The following LOXL3 variants were observed in gnomAD, a reference collection of about 807,000 sequenced individuals.
The protein encoded by LOXL3 is lysyl oxidase homolog 3.
LOXL3 carries 60 observed loss-of-function variants against 91.8 expected under a neutral mutation model. The ratio of observed to expected loss-of-function variants is 0.65; its 90% confidence interval spans 0.53 to 0.81. The LOEUF is 0.81. Ranked by LOEUF, LOXL3 falls within the 30% of genes least tolerant of loss-of-function variation. The pLI, the probability that LOXL3 is intolerant of heterozygous loss-of-function variation, is 0.00. For missense variants in LOXL3, 874 were observed against 1,000.4 expected (o/e 0.87, Z 1.70); for synonymous variants, 355 against 387.6 (o/e 0.92, Z 0.99).
intron 4 of LOXL3, among the ~76,000 whole-genome samples, chr2:74,546,500 GAGA>G (rs949393798): frequency 7.2e-5 from 11 of 152,030 alleles, no homozygotes; most frequent in Admixed American, 5.2e-4. Flanking sequence ...TGGCCTCCAG[GAGA>G]AGGAGAGGCC....
At chr2:74,551,452 G>A (rs1677005305) in intron 2 of LOXL3, among the ~76,000 whole-genome samples, 1 of 152,148 alleles carries the variant, frequency 6.6e-6, no homozygotes, top group African/African-American at 2.4e-5. Context: ...CATTCCTTTG[G>A]TGCCAACCAG....
upstream of LOXL3, chr2:74,555,146 C>T (rs766283877): frequency 1.9e-6 from 3 of 1,605,670 alleles, no homozygotes; most frequent in South Asian, 2.2e-5. This position sits in a 1 kb window ranked among gnomAD's most constrained non-coding sequence, Gnocchi z 6.1. Flanking sequence ...CTCTCTCTCT[C>T]TCCCTAGAGG....
rs1676873209 is a variant in LOXL3 at position 74,549,730 on chromosome 2, C to T, written c.478-147G>A. The T allele has an allele frequency of 3.5e-6, 5 of 1,442,738 alleles. No individual in the cohort carries two copies. The South Asian group carries it at 6.0e-5, about 17-fold the overall frequency. 89.4% of individuals were successfully genotyped at this position (1,442,738 alleles called of 1,614,324 possible). A position where few individuals can be genotyped will look rare whatever the true frequency, so the allele number is the denominator to read the frequency against. On this transcript the variant is annotated intron_variant, in intron 3 of 13. Transcript: ENST00000264094. The surrounding 1 kb of genome is among the most constrained non-coding windows in gnomAD (Gnocchi z 5.3). ...GGCGCTGAGAGAGCGGCCACGATGG[C>T]CGCAGTCCGCGGTGTGGACTCTCTT...
At position 74,535,774 on chromosome 2, in the gene LOXL3, G is replaced by A. The variant is rs755920358; in HGVS notation, c.1249-19C>T. ...GTCGGATCTGTAGTGACACAGAATG[G>A]AAGCGCTGGAGAAAGCTTTGGGGTG... On this transcript the variant is annotated intron_variant, in intron 7 of 13. Coordinates refer to ENST00000264094, the MANE Select transcript of LOXL3 (RefSeq NM_032603.5). The surrounding 1 kb of genome is among the most constrained non-coding windows in gnomAD (Gnocchi z 4.2). The A allele has an allele frequency of 1.3e-6, 2 of 1,539,458 alleles. No individual in the cohort carries two copies. The highest frequency in any genetic ancestry group is 1.4e-5 in the African/African-American group (1 of 71,960).
chr2:74,536,235 GC>G lies in LOXL3; in HGVS notation c.1093+55del, dbSNP rs1558619593. The G allele has an allele frequency of 5.6e-6, 9 of 1,611,558 alleles. 1 individual carries two copies. The South Asian group carries it at 8.8e-5, about 16-fold the overall frequency. On this transcript the variant is annotated intron_variant, in intron 6 of 13. Coordinates refer to ENST00000264094, the MANE Select transcript of LOXL3 (RefSeq NM_032603.5). The surrounding 1 kb of genome is among the most constrained non-coding windows in gnomAD (Gnocchi z 4.5). ...GACACCTAACCTTCCGAAGGAATATGCCCCCCAGGAGCATGTACCTCCTTCC... is the reference window on the plus strand; with the variant it reads ...GACACCTAACCTTCCGAAGGAATATGCCCCCAGGAGCATGTACCTCCTTCC...
At chr2:74,538,189 C>G (rs1217218064) in intron 4 of LOXL3, among the ~76,000 whole-genome samples, 1 of 152,216 alleles carries the variant, frequency 6.6e-6, no homozygotes, top group Non-Finnish European at 1.5e-5. Context: ...CATCTATCTT[C>G]TAAACATCCT....
rs764657197 is a variant in LOXL3, at chr2:74,535,983, G to C, written c.1248+13C>G. ...TGAAAGAGACCTCAACCAAGGTAGA[G>C]AGGATGACTGACCCTGGTCTCTGCC... On this transcript the variant is annotated intron_variant, in intron 7 of 13. Coordinates refer to ENST00000264094, the MANE Select transcript of LOXL3 (RefSeq NM_032603.5). This position sits in a 1 kb window ranked among gnomAD's most constrained non-coding sequence, Gnocchi z 4.2. 3 of 1,556,018 alleles carry C rather than the reference G, an allele frequency of 1.9e-6. No individual in the cohort carries two copies. Among genetic ancestry groups the C allele is most frequent in the Non-Finnish European group, 1.7e-6 (2 of 1,154,802 alleles).
chr2:74,549,655 C>A lies in LOXL3; in HGVS notation c.478-72G>T. ...CATGTGTCCCGCCGCCCTTAAGGAACCCTGCTTGGTGTGCCTGCTGTAAAC... is the reference window on the plus strand; with the variant it reads ...CATGTGTCCCGCCGCCCTTAAGGAAACCTGCTTGGTGTGCCTGCTGTAAAC... On this transcript the variant is annotated intron_variant, in intron 3 of 13. Coordinates refer to ENST00000264094, the MANE Select transcript of LOXL3 (RefSeq NM_032603.5). The surrounding 1 kb of genome is among the most constrained non-coding windows in gnomAD (Gnocchi z 5.3). The A allele has an allele frequency of 2.0e-6, 3 of 1,510,138 alleles. No homozygotes were observed. Among genetic ancestry groups the A allele is most frequent in the Non-Finnish European group, 2.7e-6 (3 of 1,121,424 alleles). The allele number at this position is 1,510,138 out of a possible 1,614,324, so 93.5% of individuals were successfully genotyped here. A position where few individuals can be genotyped will look rare whatever the true frequency, so the allele number is the denominator to read the frequency against.
rs1675705511 is a variant in LOXL3, at chr2:74,532,736, G to C, written c.*870C>G. On this transcript the variant is annotated 3_prime_UTR_variant, in exon 14 of 14. Coordinates refer to ENST00000264094, the MANE Select transcript of LOXL3 (RefSeq NM_032603.5). ...ACCGGTGAGGGAGAGGCTGCAGTGTGATATGGGGATGGGCAAGGTGTGCAT... is the reference window on the plus strand; with the variant it reads ...ACCGGTGAGGGAGAGGCTGCAGTGTCATATGGGGATGGGCAAGGTGTGCAT... 1 of 1,612,640 alleles carries C rather than the reference G, an allele frequency of 6.2e-7. No homozygotes were observed.
At chr2:74,544,161 G>C (rs1676480699) in intron 4 of LOXL3, among the ~76,000 whole-genome samples, 1 of 151,990 alleles carries the variant, frequency 6.6e-6, no homozygotes, top group Non-Finnish European at 1.5e-5. Flanking sequence ...AAAATTAGCT[G>C]GGCGTGGTGG....
At chr2:74,555,237 G>T, upstream of LOXL3, 1 of 1,613,788 alleles carries the variant, frequency 6.2e-7, no homozygotes. This position sits in a 1 kb window ranked among gnomAD's most constrained non-coding sequence, Gnocchi z 6.1. Flanking sequence ...ATAAGGGGTC[G>T]AGCTCTGGGG....
intron 1 of LOXL3, among the ~76,000 whole-genome samples, chr2:74,553,435 G>C (rs1677158253): frequency 6.6e-6 from 1 of 152,208 alleles, no homozygotes; most frequent in East Asian, 1.9e-4. Flanking sequence ...GGGTAGGGTT[G>C]TCCCAGCCTC....
chr2:74,549,907 A>T lies in LOXL3; in HGVS notation c.477+278T>A, dbSNP rs1180362708. On this transcript the variant is annotated intron_variant, in intron 3 of 13. Coordinates refer to ENST00000264094, the MANE Select transcript of LOXL3 (RefSeq NM_032603.5). The surrounding 1 kb of genome is among the most constrained non-coding windows in gnomAD (Gnocchi z 5.3). ...AGTCAGAAGGAAGATGTCTCAGGAA[A>T]GCAGGAACATTTGAGGAGAAGGAGA... 1 of 985,358 alleles carries T rather than the reference A, an allele frequency of 1.0e-6. No homozygotes were observed. The highest frequency in any genetic ancestry group is 6.1e-5 in the Admixed American group (1 of 16,276). The allele number at this position is 985,358 out of a possible 1,614,324, so 61.0% of individuals were successfully genotyped here. A position where few individuals can be genotyped will look rare whatever the true frequency, so the allele number is the denominator to read the frequency against.
At position 74,535,715 on chromosome 2, in the gene LOXL3, A is replaced by G. The variant is rs749274248; in HGVS notation, c.1289T>C (p.Val430Ala). The change falls in exon 8 of 14, where the codon GTC (valine) becomes GCC (alanine). Residue 430 changes from valine to alanine, a missense_variant. Transcript: ENST00000264094. The surrounding 1 kb of genome is among the most constrained non-coding windows in gnomAD (Gnocchi z 4.2). ...SGGRSQHEGR[V>A]EVQIGGPGPL... Reference sequence around the variant, plus strand: ...CCCAGGTCCCCCTATTTGCACCTCGACTCGCCCCTCATGTTGGCTGCGGCC... The same window carrying G: ...CCCAGGTCCCCCTATTTGCACCTCGGCTCGCCCCTCATGTTGGCTGCGGCC... 6.3e-7 allele frequency: 1 copy of G among 1,597,916 alleles called. No individual in the cohort carries two copies. The highest frequency in any genetic ancestry group is 1.1e-5 in the South Asian group (1 of 89,096).
chr2:74,532,729 G>A lies in LOXL3; in HGVS notation c.*877C>T, dbSNP rs1367291930. The A allele has an allele frequency of 6.2e-6, 10 of 1,612,660 alleles. No homozygotes were observed. The highest frequency in any genetic ancestry group is 8.5e-6 in the Non-Finnish European group (10 of 1,178,734). ...CCTGCACACCGGTGAGGGAGAGGCT[G>A]CAGTGTGATATGGGGATGGGCAAGG... On this transcript the variant is annotated 3_prime_UTR_variant, in exon 14 of 14. Transcript: ENST00000264094.
In LOXL3 at chr2:74,532,509, C is replaced by T. The variant is rs1244530172; in HGVS notation, c.*1097G>A. On this transcript the variant is annotated 3_prime_UTR_variant, in exon 14 of 14. Coordinates refer to ENST00000264094, the MANE Select transcript of LOXL3 (RefSeq NM_032603.5). ...TGCCATTGTATTTTGTAGTACCTAG[C>T]CCATGTCCTGTCCATATATTTATCA... The T allele has an allele frequency of 1.2e-6, 1 of 820,758 alleles. No individual in the cohort carries two copies. 50.8% of individuals were successfully genotyped at this position (820,758 alleles called of 1,614,324 possible). A position where few individuals can be genotyped will look rare whatever the true frequency, so the allele number is the denominator to read the frequency against.
Position 74,533,110 on chromosome 2 carries a change from A to C in LOXL3, c.*496T>G, listed in dbSNP as rs1325522209. 7.5e-6 allele frequency: 6 copies of C among 802,538 alleles called. No individual in the cohort carries two copies. The highest frequency in any genetic ancestry group is 1.1e-5 in the Non-Finnish European group (5 of 473,768). 49.7% of individuals were successfully genotyped at this position (802,538 alleles called of 1,614,324 possible). A position where few individuals can be genotyped will look rare whatever the true frequency, so the allele number is the denominator to read the frequency against. On this transcript the variant is annotated 3_prime_UTR_variant, in exon 14 of 14. Coordinates refer to ENST00000264094, the MANE Select transcript of LOXL3 (RefSeq NM_032603.5). ...GGGGCAGGTCCCTCCAACCACCAGCACTGACTCCTGGGCTCTGAAGAATCA... is the reference window on the plus strand; with the variant it reads ...GGGGCAGGTCCCTCCAACCACCAGCCCTGACTCCTGGGCTCTGAAGAATCA...
In LOXL3 at chr2:74,549,621, G is replaced by A; in HGVS notation, c.478-38C>T. On this transcript the variant is annotated intron_variant, in intron 3 of 13. Transcript: ENST00000264094. The surrounding 1 kb of genome is among the most constrained non-coding windows in gnomAD (Gnocchi z 5.3). ...CCACAAGCAGGGAAAGAATCCCAGT[G>A]GCACCTTTCATGTGTCCCGCCGCCC... The A allele has an allele frequency of 6.3e-7, 1 of 1,579,638 alleles. No individual in the cohort carries two copies. The highest frequency in any genetic ancestry group is 8.6e-7 in the Non-Finnish European group (1 of 1,157,652).
In LOXL3 at chr2:74,532,596, T is replaced by C. The variant is rs79201792; in HGVS notation, c.*1010A>G. 9,488 of 1,604,318 alleles carry C rather than the reference T, an allele frequency of 5.9e-3. 485 individuals are homozygous for C. In the African/African-American group the frequency reaches 0.11, roughly 19 times the overall value. On this transcript the variant is annotated 3_prime_UTR_variant, in exon 14 of 14. Transcript: ENST00000264094. Reference sequence around the variant, plus strand: ...GGGGAGAATGCCTGGGTTTGGCTAATAGGGTGATCTGTGTACTTTCAGCAT... The same window carrying C: ...GGGGAGAATGCCTGGGTTTGGCTAACAGGGTGATCTGTGTACTTTCAGCAT...
Sources: gnomAD v4.1 joint callset for allele counts (sites outside exome capture counted in the v4.1 genomes callset) on GRCh38, gnomAD v4.1.1 for gene constraint, Gnocchi (gnomAD v3.1) non-coding constraint, MANE v1.5 for transcripts, NCBI Gene and HGNC (gene_info 2026-07-23, HGNC 2026-07-21) for gene names.